Variants in MTFR1 observed in about 807,000 individuals in gnomAD.
The protein encoded by MTFR1 is chondrocyte protein with a poly-proline region.
In MTFR1, 28 loss-of-function variants were observed where a neutral mutation model predicts 38.8. The ratio of observed to expected loss-of-function variants is 0.72; its 90% CI spans 0.53 to 0.99. MTFR1 has a LOEUF of 0.99. MTFR1 is among the 50% of genes least tolerant of loss of function. The pLI is 0.00. For synonymous variants in MTFR1, 145 were observed against 137.0 expected, an observed-to-expected ratio of 1.06 and a Z score of -0.41; for missense variants, 358 against 395.5, an observed-to-expected ratio of 0.91 and a Z score of 0.81.
intron 2 of MTFR1, among the ~76,000 whole-genome samples, chr8:65,680,687 C>G (rs557108424): frequency 2.0e-5 from 3 of 152,182 alleles, no homozygotes; most frequent in African/African-American, 7.2e-5. Context: ...GTAGAATGAT[C>G]ACGGATTGAT....
chr8:65,688,632 G>C (rs1805174543), intron 3 of MTFR1, among the ~76,000 whole-genome samples: 1 of 149,800 alleles, frequency 6.7e-6, no homozygotes, highest in Admixed American at 6.7e-5. Flanking sequence ...TTTTAGTAGA[G>C]ACGGGGTTTC....
chr8:65,707,133 G>A lies in MTFR1; in HGVS notation c.641G>A (p.Arg214Gln), dbSNP rs146460054. 6.1e-5 allele frequency: 97 copies of A among 1,588,516 alleles called. No homozygotes were observed. In the African/African-American group the frequency reaches 9.9e-4, roughly 16 times the overall value. ...STSAVDLIKE[R>Q]REKRANAGKT... ...TCTGCTGTTGATCTGATTAAAGAAC[G>A]AAGAGAGAAAAGAGCCAATGCTGGA... Residue 214 changes from arginine (R) to glutamine (Q), a missense_variant, in exon 6 of 8, where the codon CGA (arginine) becomes CAA (glutamine). By Grantham distance (43) the Arg-to-Gln change is conservative. Transcript: ENST00000262146.
chr8:65,697,646 CTA>C (rs1368962555), intron 4 of MTFR1, among the ~76,000 whole-genome samples: 1 of 152,116 alleles, frequency 6.6e-6, no homozygotes, highest in South Asian at 2.1e-4. Context: ...GGATAAATGT[CTA>C]TGAGTGCAGT....
intron 2 of MTFR1, chr8:65,718,437 C>CA (rs1806233411): frequency 6.6e-6 from 1 of 152,226 alleles, no homozygotes; most frequent in African/African-American, 2.4e-5. Context: ...GTGTTTTAAA[C>CA]ATTCCACCTT....
intron 3 of MTFR1, among the ~76,000 whole-genome samples, chr8:65,756,552 A>T (rs1225791916): frequency 6.6e-6 from 1 of 151,934 alleles, no homozygotes; most frequent in Non-Finnish European, 1.5e-5. Flanking sequence ...CATTTCAGTT[A>T]TTCTACTTTT....
chr8:65,688,945 G>GACCA (rs890500957), intron 3 of MTFR1, among the ~76,000 whole-genome samples: 3 of 151,814 alleles, frequency 2.0e-5, no homozygotes, highest in African/African-American at 7.3e-5. Context: ...AGGAGTTCAA[G>GACCA]ACCACCCTGG....
Position 65,710,150 on chromosome 8 carries a change from C to T in MTFR1, c.*1106C>T, listed in dbSNP as rs1330974935. On this transcript the variant is annotated 3_prime_UTR_variant, in exon 8 of 8. Coordinates refer to ENST00000262146, the MANE Select transcript of MTFR1 (RefSeq NM_014637.4). ...TGATACACTCAGCTATAGTTAATAC[C>T]AGAGTATCCTACCAGGAGTAATATT... is the stretch of plus-strand genomic sequence containing the variant. 1.3e-5 allele frequency: 2 copies of T among 152,000 alleles called. No homozygotes were observed. The highest frequency in any genetic ancestry group is 3.8e-4 in the East Asian group (2 of 5,196). The allele number at this position is 152,000 out of a possible 1,614,324, so 9.4% of individuals were successfully genotyped here.
At chr8:65,645,144 G>A (rs1808918316) in intron 1 of MTFR1, among the ~76,000 whole-genome samples, 1 of 152,206 alleles carries the variant, frequency 6.6e-6, no homozygotes, top group East Asian at 1.9e-4. Context: ...CCGGCCGCCA[G>A]GCGGCGGTCC....
intron 2 of MTFR1, among the ~76,000 whole-genome samples, chr8:65,678,871 C>T (rs918987816): frequency 6.6e-6 from 1 of 151,586 alleles, no homozygotes; most frequent in Non-Finnish European, 1.5e-5. Flanking sequence ...GGTGACAGAG[C>T]GAGACTCCAT....
intron 4 of MTFR1, among the ~76,000 whole-genome samples, chr8:65,702,833 AAGGCCT>A (rs1445400073): frequency 1.3e-5 from 2 of 152,112 alleles, no homozygotes; most frequent in Non-Finnish European, 2.9e-5. Context: ...AGGAGCTAAA[AAGGCCT>A]TTGCATTTAT....
rs543717631 is a variant in MTFR1 at position 65,769,731 on chromosome 8, AC to A, written c.*49-1215del. On this transcript the variant is annotated intron_variant, in intron 3 of 3. Coordinates refer to the MTFR1 transcript ENST00000521247. ...GCCAACATAGTGAAACCCCGTCTCTACTGAAAATACAAATATTAGCCGGGCA... is the reference window on the plus strand; with the variant it reads ...GCCAACATAGTGAAACCCCGTCTCTATGAAAATACAAATATTAGCCGGGCA... Among the ~76,000 whole-genome samples the A allele has an allele frequency of 2.4e-4, 37 of 152,306 alleles. 1 individual carries two copies. In the South Asian group the frequency reaches 7.1e-3, roughly 29 times the overall value.
chr8:65,694,616 C>T (rs569848498), intron 4 of MTFR1, among the ~76,000 whole-genome samples: 15 of 152,242 alleles, frequency 9.9e-5, no homozygotes, highest in African/African-American at 3.4e-4. Context: ...GCAAAGGGAT[C>T]AATCTGGATC....
chr8:65,704,911 C>A lies in MTFR1; in HGVS notation c.499C>A (p.Gln167Lys). ...TGCCAAAATTGTGACCCAGCAGGAG[C>A]AGCAAAATCTCACTGCAGGTCTGTA... ...QIAKIVTQQE[Q>K]QNLTAGDLDS... The change falls in exon 5 of 8, where the codon CAG (glutamine) becomes AAG (lysine). Residue 167 changes from glutamine to lysine, a missense_variant. Transcript: ENST00000262146. 1.9e-6 allele frequency: 3 copies of A among 1,595,186 alleles called. No individual in the cohort carries two copies. In the Middle Eastern group the frequency reaches 5.0e-4, roughly 264 times the overall value.
At chr8:65,761,483 ATTTAT>A (rs1808492367) in intron 3 of MTFR1, among the ~76,000 whole-genome samples, 1 of 152,202 alleles carries the variant, frequency 6.6e-6, no homozygotes, top group Admixed American at 6.5e-5. Context: ...AGCCTGGACT[ATTTAT>A]TTTAAGTCCC....
intron 3 of MTFR1, among the ~76,000 whole-genome samples, chr8:65,748,447 G>C (rs1477685870): frequency 6.6e-6 from 1 of 152,150 alleles, no homozygotes; most frequent in African/African-American, 2.4e-5. Flanking sequence ...CTCTTTCAGT[G>C]AGTCTAACAT....
downstream of MTFR1, among the ~76,000 whole-genome samples, chr8:65,774,395 T>C (rs1287822176): frequency 6.6e-6 from 1 of 152,172 alleles, no homozygotes; most frequent in Non-Finnish European, 1.5e-5. Context: ...TTAAAGAGCT[T>C]TGAAACTAAT....
chr8:65,745,284 A>G (rs1807623429), intron 3 of MTFR1: 2 of 691,196 alleles, frequency 2.9e-6, no homozygotes, highest in East Asian at 5.4e-5. Flanking sequence ...GGACTAATAC[A>G]CTCTCTTCCA....
chr8:65,708,008 G>T lies in MTFR1; in HGVS notation c.930G>T (p.Val310=). 6.2e-7 allele frequency: 1 copy of T among 1,611,768 alleles called. No homozygotes were observed. ...AATCAGAGGCCACCTCAGAGAGAGT[G>T]TTGGTGAGTTATTTGCCCAGATTTC... ...KSESEATSER[V]LFGPHMLKPT... The change falls in exon 7 of 8, where the codon GTG becomes GTT. Residue 310 remains valine, a synonymous_variant. Coordinates refer to ENST00000262146, the MANE Select transcript of MTFR1 (RefSeq NM_014637.4).
chr8:65,650,756 A>G (rs1250025811), intron 1 of MTFR1, among the ~76,000 whole-genome samples: 1 of 152,230 alleles, frequency 6.6e-6, no homozygotes, highest in Non-Finnish European at 1.5e-5. Flanking sequence ...TAGCTCTGCA[A>G]CAAACATGGC....
Sources: gnomAD v4.1 joint callset for allele counts (sites outside exome capture counted in the v4.1 genomes callset) on GRCh38, gnomAD v4.1.1 for gene constraint, MANE v1.5 for transcripts, NCBI Gene and HGNC (gene_info 2026-07-23, HGNC 2026-07-21) for gene names.